GALNT18: variants seen among roughly 807,000 people sequenced by gnomAD.
GALNT18 encodes the protein polypeptide N-acetylgalactosaminyltransferase 18.
Under a neutral mutation model 69.5 loss-of-function variants are expected in GALNT18, and 44 were observed. The ratio of observed to expected loss-of-function variants is 0.63; its 90% CI spans 0.50 to 0.81. GALNT18 has a LOEUF of 0.81. Ranked by LOEUF, GALNT18 falls within the 40% of genes least tolerant of loss-of-function variation. The pLI is 0.00. For synonymous variants in GALNT18, 364 were observed against 318.2 expected (o/e 1.14, Z -1.53); for missense variants, 715 against 810.0 (o/e 0.88, Z 1.42).
chr11:11,419,772 C>G (rs532362613), intron 3 of GALNT18, among the ~76,000 whole-genome samples: 1 of 151,780 alleles, frequency 6.6e-6, no homozygotes. Flanking sequence ...GCTGCCTTTA[C>G]GTCTCCTCCC....
chr11:11,593,211 C>T (rs953695082), intron 1 of GALNT18, among the ~76,000 whole-genome samples: 2 of 152,222 alleles, frequency 1.3e-5, no homozygotes, highest in African/African-American at 4.8e-5. Flanking sequence ...TCCCTTTAGG[C>T]AAGACGTACA....
At chr11:11,565,830 G>A (rs1858637130) in intron 1 of GALNT18, among the ~76,000 whole-genome samples, 1 of 152,228 alleles carries the variant, frequency 6.6e-6, no homozygotes, top group African/African-American at 2.4e-5. Flanking sequence ...AAGGGGTCTT[G>A]AGAACAGGAA....
At chr11:11,443,613 G>T (rs1034565197) in intron 2 of GALNT18, among the ~76,000 whole-genome samples, 1 of 152,044 alleles carries the variant, frequency 6.6e-6, no homozygotes, top group Non-Finnish European at 1.5e-5. Flanking sequence ...TGCGGCTGGG[G>T]CCATGGGGGA....
chr11:11,403,653 C>T (rs1303013169), intron 3 of GALNT18, among the ~76,000 whole-genome samples: 2 of 152,188 alleles, frequency 1.3e-5, no homozygotes, highest in African/African-American at 4.8e-5. Flanking sequence ...TGTTATTCTG[C>T]CATGGGAGAG....
chr11:11,559,663 T>C (rs897365224), intron 1 of GALNT18, among the ~76,000 whole-genome samples: 1 of 149,814 alleles, frequency 6.7e-6, no homozygotes, highest in African/African-American at 2.5e-5. Context: ...TGGGATGAGA[T>C]AGAATAGAAT....
chr11:11,498,229 A>G (rs750706128), intron 1 of GALNT18, among the ~76,000 whole-genome samples: 2 of 152,224 alleles, frequency 1.3e-5, no homozygotes, highest in Non-Finnish European at 2.9e-5. Context: ...GATTTTTTCT[A>G]AGAAGCAATT....
chr11:11,377,202 C>T lies in GALNT18; in HGVS notation c.957G>A (p.Glu319=). Residue 319 remains glutamate (E), a synonymous_variant, in exon 5 of 11, where the codon GAG becomes GAA. Transcript: ENST00000227756. The surrounding 1 kb of genome is among the most constrained non-coding windows in gnomAD (Gnocchi z 4.6). ...TTTACCTGATTGGCGCTGTGGAGTT[C>T]TCCAGCTTCCACCAGGCCTTGGGGG... The part of the protein sequence containing the change: ...LNPPKAWWKL[E]NSTAPIRSPA... The T allele has an allele frequency of 6.2e-7, 1 of 1,613,234 alleles. No individual in the cohort carries two copies. The highest frequency in any genetic ancestry group is 1.1e-5 in the South Asian group (1 of 91,026).
chr11:11,390,138 C>T (rs1854150572), intron 3 of GALNT18, among the ~76,000 whole-genome samples: 1 of 152,190 alleles, frequency 6.6e-6, no homozygotes, highest in African/African-American at 2.4e-5. Flanking sequence ...AGGCTGTGCT[C>T]ACCACCATCC....
chr11:11,293,911 G>A (rs904469435), intron 9 of GALNT18, among the ~76,000 whole-genome samples: 12 of 147,240 alleles, frequency 8.1e-5, no homozygotes, highest in Non-Finnish European at 1.3e-4. Flanking sequence ...AGTCTTGTGG[G>A]ATGGGAGATG....
intron 6 of GALNT18, among the ~76,000 whole-genome samples, chr11:11,346,478 A>T (rs1850304972): frequency 6.6e-6 from 1 of 152,240 alleles, no homozygotes; most frequent in South Asian, 2.1e-4. Context: ...TTTTTCAGCA[A>T]AGCTCTGACA....
chr11:11,282,678 C>G (rs1048765943), intron 10 of GALNT18, among the ~76,000 whole-genome samples: 1 of 152,122 alleles, frequency 6.6e-6, no homozygotes, highest in Non-Finnish European at 1.5e-5. Flanking sequence ...GAAGGATCAC[C>G]TCAACGAGCT....
At chr11:11,553,735 C>G (rs1048459637) in intron 1 of GALNT18, among the ~76,000 whole-genome samples, 3 of 152,160 alleles carry the variant, frequency 2.0e-5, no homozygotes, top group African/African-American at 7.2e-5. Context: ...TAACCAGCTG[C>G]CCCCGGGAGC....
rs954878366 is a variant in GALNT18 at position 11,459,565 on chromosome 11, A to G, written c.236-10629T>C. ...CTCCATTAGGGGCTGAGCCCACCAG[A>G]CTGAGGAGCTCTGGAGGCACCTCTG... On this transcript the variant is annotated intron_variant, in intron 1 of 10. Transcript: ENST00000227756. This position sits in a 1 kb window ranked among gnomAD's most constrained non-coding sequence, Gnocchi z 5.0. Among the ~76,000 whole-genome samples the G allele has an allele frequency of 1.3e-5, 2 of 152,204 alleles. No homozygotes were observed. The highest frequency in any genetic ancestry group is 6.5e-5 in the Admixed American group (1 of 15,276).
chr11:11,438,739 G>A lies in GALNT18; in HGVS notation c.429-5952C>T, dbSNP rs1489991453. The stretch of plus-strand genomic sequence containing the variant: ...CATTGGCAACCCAGAGACCTTGAGC[G>A]AGGGGCGAAATGAAGGAGTTGTTCC... On this transcript the variant is annotated intron_variant, in intron 2 of 10. Coordinates refer to ENST00000227756, the MANE Select transcript of GALNT18 (RefSeq NM_198516.3). Among the ~76,000 whole-genome samples the A allele has an allele frequency of 5.9e-5, 9 of 152,298 alleles. No homozygotes were observed. In the South Asian group the frequency reaches 6.2e-4, roughly 11 times the overall value.
At chr11:11,327,436 C>T (rs1023714254) in intron 8 of GALNT18, among the ~76,000 whole-genome samples, 13 of 152,246 alleles carry the variant, frequency 8.5e-5, no homozygotes, top group African/African-American at 2.7e-4. Flanking sequence ...GATGTGCATG[C>T]GTGTGCACAC....
At chr11:11,277,424 T>G (rs1848972946) in intron 10 of GALNT18, among the ~76,000 whole-genome samples, 1 of 152,078 alleles carries the variant, frequency 6.6e-6, no homozygotes, top group South Asian at 2.1e-4. Flanking sequence ...GCTAGTGGTC[T>G]ATTTTGTTGA....
intron 1 of GALNT18, among the ~76,000 whole-genome samples, chr11:11,488,244 T>C (rs573780778): frequency 6.6e-6 from 1 of 152,352 alleles, no homozygotes; most frequent in Non-Finnish European, 1.5e-5. Context: ...TCAGCAGGGC[T>C]GTACTCCTCC....
At chr11:11,520,460 C>T (rs1857371406) in intron 1 of GALNT18, among the ~76,000 whole-genome samples, 1 of 152,210 alleles carries the variant, frequency 6.6e-6, no homozygotes, top group South Asian at 2.1e-4. Context: ...TCCCCTGCCC[C>T]AGCATGTCAG....
Position 11,469,681 on chromosome 11 carries a change from A to G in GALNT18, c.236-20745T>C, listed in dbSNP as rs1487236866. On this transcript the variant is annotated intron_variant, in intron 1 of 10. Transcript: ENST00000227756. This position sits in a 1 kb window ranked among gnomAD's most constrained non-coding sequence, Gnocchi z 4.2. ...GAGGGTCTCAGGGCTGGCTACATGG[A>G]CGGTGTTAAGCAGATTTGCTAAAAG... Among the ~76,000 whole-genome samples the G allele has an allele frequency of 6.6e-6, 1 of 152,182 alleles. No homozygotes were observed. Among genetic ancestry groups the G allele is most frequent in the Non-Finnish European group, 1.5e-5 (1 of 68,034 alleles).
Sources: allele counts gnomAD v4.1 joint callset (sites outside exome capture counted in the v4.1 genomes callset), GRCh38; gene constraint gnomAD v4.1.1; non-coding constraint Gnocchi (gnomAD v3.1); transcripts MANE v1.5; gene names NCBI Gene and HGNC (gene_info 2026-07-23, HGNC 2026-07-21).